Variants in CSMD1 observed in about 807,000 individuals in gnomAD.
CSMD1 encodes CUB and Sushi multiple domains 1.
CSMD1 carries 213 observed loss-of-function variants against 417.5 expected under a neutral mutation model. That is an observed-to-expected ratio of 0.51 (90% CI 0.46 to 0.57). The LOEUF (loss-of-function observed/expected upper bound fraction) is 0.57, where lower values mean the gene tolerates loss of function less well. Among genes scored for constraint, CSMD1 ranks in the 20% least tolerant of loss-of-function variants. The probability of loss-of-function intolerance (pLI) is 0.00; values close to 1 mark genes in which losing one functional copy is unlikely to be tolerated. For missense variants in CSMD1, 6,923 were observed against 4,529.7 expected (o/e 1.53, Z -15.17); for synonymous variants, 2,862 against 1,736.8 (o/e 1.65, Z -16.11).
chr8:4,361,004 TTAAAA>T (rs1046361170), intron 3 of CSMD1, among the ~76,000 whole-genome samples: 3 of 152,192 alleles, frequency 2.0e-5, no homozygotes, highest in East Asian at 1.9e-4. Flanking sequence ...TGAAGACATT[TTAAAA>T]TAAAATATTT....
rs553721523 is a variant in CSMD1, at chr8:3,773,678, T to C, written c.819-19636A>G. ...TGGCCTTATTCTCTATTTGCTGACT[T>C]ACAGCAACAGCATCTTAATTGAGTT... On this transcript the variant is annotated intron_variant, in intron 5 of 69. Transcript: ENST00000635120. 2.6e-5 allele frequency among the ~76,000 whole-genome samples: 4 copies of C among 152,294 alleles called. No homozygotes were observed. The South Asian group carries it at 6.2e-4, about 24-fold the overall frequency.
intron 12 of CSMD1, among the ~76,000 whole-genome samples, chr8:3,444,130 A>G (rs902748525): frequency 6.6e-6 from 1 of 152,182 alleles, no homozygotes; most frequent in Non-Finnish European, 1.5e-5. Flanking sequence ...CAGAAAGAAC[A>G]AGAAATCAAG....
intron 6 of CSMD1, among the ~76,000 whole-genome samples, chr8:3,735,842 G>T (rs961296369): frequency 6.6e-6 from 1 of 152,110 alleles, no homozygotes; most frequent in African/African-American, 2.4e-5. Context: ...AATATGCATT[G>T]ATTTCCTAAT....
chr8:4,600,436 T>C (rs1344859460), intron 2 of CSMD1, among the ~76,000 whole-genome samples: 1 of 152,186 alleles, frequency 6.6e-6, no homozygotes, highest in Non-Finnish European at 1.5e-5. Context: ...ATTTCAGAAA[T>C]AAATTCAAGT....
intron 26 of CSMD1, among the ~76,000 whole-genome samples, chr8:3,254,809 G>A (rs1044459050): frequency 6.6e-6 from 1 of 151,930 alleles, no homozygotes; most frequent in Non-Finnish European, 1.5e-5. Flanking sequence ...CTTTGCCATG[G>A]GTTCAAACTT....
chr8:3,346,498 C>T (rs947972723), intron 22 of CSMD1, among the ~76,000 whole-genome samples: 1 of 152,196 alleles, frequency 6.6e-6, no homozygotes, highest in African/African-American at 2.4e-5. Flanking sequence ...TCATGACAGT[C>T]CCTCATACTG....
At chr8:3,817,781 A>C (rs1451596578) in intron 5 of CSMD1, among the ~76,000 whole-genome samples, 2 of 152,146 alleles carry the variant, frequency 1.3e-5, no homozygotes. Context: ...GCCCCAATGC[A>C]GACCAAAGTC....
intron 54 of CSMD1, among the ~76,000 whole-genome samples, chr8:2,981,272 G>T (rs564169743): frequency 3.9e-5 from 6 of 152,198 alleles, no homozygotes; most frequent in Non-Finnish European, 8.8e-5. Context: ...ATCTGTATTT[G>T]TTTTGTCATT....
intron 1 of CSMD1, among the ~76,000 whole-genome samples, chr8:4,778,546 A>G (rs1418868163): frequency 6.6e-6 from 1 of 152,198 alleles, no homozygotes. Context: ...AACTTTATAG[A>G]TCAATACTTC....
intron 5 of CSMD1, among the ~76,000 whole-genome samples, chr8:3,944,141 G>A (rs1466129719): frequency 6.6e-6 from 1 of 152,098 alleles, no homozygotes; most frequent in African/African-American, 2.4e-5. Flanking sequence ...TCTTAGTGAA[G>A]GCTACACAGA....
At chr8:3,086,203 T>G (rs915125375) in intron 49 of CSMD1, among the ~76,000 whole-genome samples, 1 of 151,422 alleles carries the variant, frequency 6.6e-6, no homozygotes, top group Non-Finnish European at 1.5e-5. Flanking sequence ...GAAAAAAAAA[T>G]TATCATTCTA....
intron 12 of CSMD1, among the ~76,000 whole-genome samples, chr8:3,429,095 G>C (rs551630462): frequency 2.0e-5 from 3 of 152,098 alleles, no homozygotes; most frequent in Non-Finnish European, 4.4e-5. Flanking sequence ...TCAGGTAGAA[G>C]TAAGAAGTTC....
chr8:3,874,321 A>C (rs535068397), intron 5 of CSMD1, among the ~76,000 whole-genome samples: 1 of 152,300 alleles, frequency 6.6e-6, no homozygotes, highest in African/African-American at 2.4e-5. Context: ...CAGGCTGCGT[A>C]ACTCTTATCT....
intron 23 of CSMD1, among the ~76,000 whole-genome samples, chr8:3,341,279 C>G (rs543582961): frequency 6.6e-6 from 1 of 152,294 alleles, no homozygotes; most frequent in East Asian, 1.9e-4. Flanking sequence ...ACCTTCCTAA[C>G]TGCTACCTGG....
intron 4 of CSMD1, among the ~76,000 whole-genome samples, chr8:4,020,839 A>C (rs901431946): frequency 1.3e-5 from 2 of 152,236 alleles, no homozygotes; most frequent in African/African-American, 4.8e-5. Context: ...GCTCACTCTT[A>C]TCTTTTGCCT....
chr8:3,295,576 A>C (rs1803903754), intron 25 of CSMD1, among the ~76,000 whole-genome samples: 1 of 152,232 alleles, frequency 6.6e-6, no homozygotes, highest in Non-Finnish European at 1.5e-5. Flanking sequence ...GACACGTGGT[A>C]CCGCACTGTA....
rs139492837 is a variant in CSMD1, at chr8:4,530,789, G to A, written c.302+106553C>T. 6.6e-3 allele frequency among the ~76,000 whole-genome samples: 999 copies of A among 151,432 alleles called. 8 individuals are homozygous for A. Among genetic ancestry groups the A allele is most frequent in the Non-Finnish European group, 0.01 (687 of 67,886 alleles). On this transcript the variant is annotated intron_variant, in intron 2 of 69. Transcript: ENST00000635120. ...CTTCCAAGTCTTTGCTATTGACCCA[G>A]CAATCCCATAGCCAAAGGATTATAA...
intron 2 of CSMD1, among the ~76,000 whole-genome samples, chr8:4,428,816 T>A (rs1026257418): frequency 6.6e-6 from 1 of 152,108 alleles, no homozygotes; most frequent in African/African-American, 2.4e-5. Flanking sequence ...ACCTCCCAGG[T>A]TGAAGGATTC....
chr8:3,317,933 A>T (rs771913096), intron 23 of CSMD1, among the ~76,000 whole-genome samples: 1 of 152,072 alleles, frequency 6.6e-6, no homozygotes, highest in Non-Finnish European at 1.5e-5. Context: ...ACCTTAGCCT[A>T]TTGAGTAGCT....
Sources: allele counts gnomAD v4.1 joint callset (sites outside exome capture counted in the v4.1 genomes callset), GRCh38; gene constraint gnomAD v4.1.1; transcripts MANE v1.5; gene names NCBI Gene and HGNC (gene_info 2026-07-23, HGNC 2026-07-21).